Variants in RIOX2 observed in about 807,000 individuals in gnomAD.
The protein encoded by RIOX2 is ribosomal oxygenase 2.
Under a neutral mutation model 51.2 loss-of-function variants are expected in RIOX2, and 43 were observed. That is an observed-to-expected ratio of 0.84 (90% CI 0.66 to 1.08). RIOX2 has a LOEUF of 1.08. Ranked by LOEUF, RIOX2 falls within the 50% of genes least tolerant of loss-of-function variation. RIOX2 has a pLI of 0.00. For missense variants in RIOX2, 566 were observed against 561.7 expected, an observed-to-expected ratio of 1.01 and a Z score of -0.08; for synonymous variants, 226 against 218.5, an observed-to-expected ratio of 1.03 and a Z score of -0.30.
chr3:97,964,972 GCA>G (rs1705826749), intron 2 of RIOX2, among the ~76,000 whole-genome samples: 1 of 151,946 alleles, frequency 6.6e-6, no homozygotes, highest in African/African-American at 2.4e-5. Context: ...AATAAGCTGT[GCA>G]CAGTCTGAGA....
In RIOX2 at chr3:97,961,595, A is replaced by C; in HGVS notation, c.546T>G (p.Asp182Glu). 1 of 1,598,626 alleles carries C rather than the reference A, an allele frequency of 6.3e-7. No homozygotes were observed. Among genetic ancestry groups the C allele is most frequent in the Non-Finnish European group, 8.5e-7 (1 of 1,175,748 alleles). Residue 182 changes from aspartate (D) to glutamate (E), a missense_variant, in exon 3 of 10, where the codon GAT becomes GAG. By Grantham distance (45) the Asp-to-Glu change is conservative (BLOSUM62 2). Transcript: ENST00000394198. ...AATTTTCTCCATCTCTTACCTCGAC[A>C]TCATCATAATGGGGCGGCAGGCCCT... Reference protein sequence around the residue: ...GSQGLPPHYDDVEVFILQLEG... With the variant: ...GSQGLPPHYDEVEVFILQLEG...
At chr3:97,968,560 A>G (rs1024921499) in intron 1 of RIOX2, among the ~76,000 whole-genome samples, 1 of 152,198 alleles carries the variant, frequency 6.6e-6, no homozygotes, top group South Asian at 2.1e-4. Context: ...TGCTGCTGAC[A>G]CTGCTGAGTA....
chr3:97,968,507 G>A lies in RIOX2; in HGVS notation c.-39-875C>T, dbSNP rs111796833. Among the ~76,000 whole-genome samples, 1,204 of 152,266 alleles carry A rather than the reference G, an allele frequency of 7.9e-3. 21 individuals are homozygous for A. Among genetic ancestry groups the A allele is most frequent in the African/African-American group, 0.028 (1,152 of 41,520 alleles). ...TATGATCCACTAGCTCCAAGGTGAA[G>A]CCTGAGGTTCTGCATTTCTAACAGG... On this transcript the variant is annotated intron_variant, in intron 1 of 9. Transcript: ENST00000394198.
intron 5 of RIOX2, chr3:97,952,322 G>T: frequency 1.0e-6 from 1 of 960,740 alleles, no homozygotes; most frequent in Non-Finnish European, 1.5e-6. Flanking sequence ...ATCCTAAGCA[G>T]GCAACTTCTG....
At chr3:97,954,149 C>A in intron 5 of RIOX2, 1 of 449,112 alleles carries the variant, frequency 2.2e-6, no homozygotes, top group Non-Finnish European at 4.0e-6. Flanking sequence ...AACTATGTGA[C>A]TCTCTATTTG....
intron 9 of RIOX2, 74 bp downstream of exon 9, chr3:97,945,724 A>T: frequency 8.5e-7 from 1 of 1,172,376 alleles, no homozygotes; most frequent in South Asian, 1.3e-5. Context: ...ATTACCTGTA[A>T]ATCAAAAATA....
chr3:97,953,302 C>T (rs1186592868), intron 5 of RIOX2, among the ~76,000 whole-genome samples: 1 of 152,210 alleles, frequency 6.6e-6, no homozygotes, highest in Non-Finnish European at 1.5e-5. Context: ...CTCAAAACCC[C>T]TTCGATAAAA....
In RIOX2 at chr3:97,950,023, C is replaced by T. The variant is rs1705185836; in HGVS notation, c.889-8G>A. The stretch of plus-strand genomic sequence containing the variant: ...AGTTGTGGATTCCACCTGCTAGGAA[C>T]ACAGAAGTGAGTCCTGGCCCAGATG... On this transcript the variant is annotated splice_polypyrimidine_tract_variant and splice_region_variant and intron_variant, in intron 6 of 9. Transcript: ENST00000394198. The T allele has an allele frequency of 1.2e-6, 2 of 1,612,898 alleles. No individual in the cohort carries two copies.
intron 2 of RIOX2, among the ~76,000 whole-genome samples, chr3:97,965,263 G>C (rs1465554463): frequency 6.9e-6 from 1 of 145,904 alleles, no homozygotes; most frequent in East Asian, 2.1e-4. Context: ...TGTAATCCCA[G>C]CACTTTGGGA....
intron 4 of RIOX2, among the ~76,000 whole-genome samples, chr3:97,954,702 T>C (rs1444380721): frequency 2.6e-5 from 4 of 152,022 alleles, no homozygotes; most frequent in African/African-American, 7.2e-5. Flanking sequence ...TTAACCATGA[T>C]CCACGAGAGG....
chr3:97,948,772 C>T (rs189122669), intron 7 of RIOX2, among the ~76,000 whole-genome samples: 508 of 152,240 alleles, frequency 3.3e-3, no homozygotes, highest in African/African-American at 0.012. Context: ...TCCTATAAGT[C>T]TTTTCTAACA....
At chr3:97,946,860 T>C (rs934809726) in intron 8 of RIOX2, among the ~76,000 whole-genome samples, 4 of 152,038 alleles carry the variant, frequency 2.6e-5, no homozygotes, top group African/African-American at 9.7e-5. Context: ...CAGGAATTTA[T>C]AATTTTAAAA....
chr3:97,948,785 G>A (rs762030088), intron 7 of RIOX2, among the ~76,000 whole-genome samples: 9 of 151,928 alleles, frequency 5.9e-5, no homozygotes, highest in East Asian at 1.9e-4. Context: ...TTCTAACACC[G>A]TTTTACTGAG....
chr3:97,958,566 G>A (rs1364737780), intron 4 of RIOX2, among the ~76,000 whole-genome samples: 1 of 152,214 alleles, frequency 6.6e-6, no homozygotes, highest in Non-Finnish European at 1.5e-5. Flanking sequence ...AGGGGGCACA[G>A]AGATAGCCTG....
At chr3:97,966,311 AT>A (rs1445683294) in intron 2 of RIOX2, among the ~76,000 whole-genome samples, 2 of 152,154 alleles carry the variant, frequency 1.3e-5, no homozygotes, top group African/African-American at 4.8e-5. Context: ...CTATGTTGCC[AT>A]TTTGATTTAA....
At chr3:97,970,961 A>G (rs1559767558) in intron 1 of RIOX2, among the ~76,000 whole-genome samples, 1 of 152,250 alleles carries the variant, frequency 6.6e-6, no homozygotes, top group Non-Finnish European at 1.5e-5. Flanking sequence ...GGTGTGGTAC[A>G]TAGGAGGTCC....
chr3:97,961,366 T>A (rs1257019814), intron 3 of RIOX2, among the ~76,000 whole-genome samples: 1 of 152,236 alleles, frequency 6.6e-6, no homozygotes, highest in African/African-American at 2.4e-5. Flanking sequence ...TTAGTAAGGT[T>A]GGAAACAAGC....
At chr3:97,965,799 A>C (rs914494828) in intron 2 of RIOX2, among the ~76,000 whole-genome samples, 1 of 152,244 alleles carries the variant, frequency 6.6e-6, no homozygotes, top group Admixed American at 6.5e-5. Context: ...AAGTACACGT[A>C]ATCAAATTCA....
Position 97,943,473 on chromosome 3 carries a change from C to G in RIOX2, c.*1711G>C. 1.7e-6 allele frequency: 1 copy of G among 583,656 alleles called. No individual in the cohort carries two copies. The highest frequency in any genetic ancestry group is 3.0e-6 in the Non-Finnish European group (1 of 335,616). The allele number at this position is 583,656 out of a possible 1,614,324, so 36.2% of individuals were successfully genotyped here. A position where few individuals can be genotyped will look rare whatever the true frequency, so the allele number is the denominator to read the frequency against. On this transcript the variant is annotated 3_prime_UTR_variant, in exon 10 of 10. Coordinates refer to ENST00000394198, the MANE Select transcript of RIOX2 (RefSeq NM_153182.4). Reference sequence around the variant, plus strand: ...AGCCTCTGAGACTATCGCTCTTAACCATGGAAAAGCTCAAAATATTCTTGC... The same window carrying G: ...AGCCTCTGAGACTATCGCTCTTAACGATGGAAAAGCTCAAAATATTCTTGC...
Sources: allele counts gnomAD v4.1 joint callset (sites outside exome capture counted in the v4.1 genomes callset), GRCh38; gene constraint gnomAD v4.1.1; transcripts MANE v1.5; gene names NCBI Gene and HGNC (gene_info 2026-07-23, HGNC 2026-07-21).